TRAPPC8: variants seen among roughly 807,000 people sequenced by gnomAD.
The protein encoded by TRAPPC8 is trafficking protein particle complex subunit 8, also known as general sporulation gene 1 homolog.
Under a neutral mutation model 174.3 loss-of-function variants are expected in TRAPPC8, and 54 were observed. That is an observed-to-expected ratio of 0.31 (90% confidence interval 0.25 to 0.39). The LOEUF is 0.39. Among genes scored for constraint, TRAPPC8 ranks in the 10% least tolerant of loss-of-function variants. The pLI is 1.00. For synonymous variants in TRAPPC8, 630 were observed against 579.9 expected, an observed-to-expected ratio of 1.09 and a Z score of -1.24; for missense variants, 1,531 against 1,699.1, an observed-to-expected ratio of 0.90 and a Z score of 1.74.
intron 16 of TRAPPC8, among the ~76,000 whole-genome samples, chr18:31,868,994 C>A (rs1738321897): frequency 6.6e-6 from 1 of 150,918 alleles, no homozygotes; most frequent in Admixed American, 6.6e-5. Flanking sequence ...TTTCCCAGTT[C>A]CAAAATCCTT....
chr18:31,860,392 GA>G (rs1470823372), intron 19 of TRAPPC8, among the ~76,000 whole-genome samples: 1 of 151,848 alleles, frequency 6.6e-6, no homozygotes, highest in Non-Finnish European at 1.5e-5. Flanking sequence ...GATTTAGGGG[GA>G]AAGATTTCTA....
At chr18:31,843,407 T>TA (rs1475743310) in intron 26 of TRAPPC8, among the ~76,000 whole-genome samples, 1 of 152,180 alleles carries the variant, frequency 6.6e-6, no homozygotes, top group African/African-American at 2.4e-5. Flanking sequence ...CTAAAGGAAA[T>TA]AGATTTTGTT....
intron 27 of TRAPPC8, among the ~76,000 whole-genome samples, chr18:31,833,925 C>A (rs1342090256): frequency 6.8e-6 from 1 of 147,372 alleles, no homozygotes; most frequent in African/African-American, 2.5e-5. Flanking sequence ...TGGCATGAAC[C>A]CAGGAGGTGG....
rs2034611779 is a variant in TRAPPC8 at position 31,866,888 on chromosome 18, T to C, written c.2551A>G (p.Thr851Ala). Residue 851 changes from threonine to alanine, a missense_variant, in exon 18 of 29, where the codon ACA becomes GCA. By Grantham distance (58) the Thr-to-Ala change is moderately conservative (BLOSUM62 0). Coordinates refer to ENST00000283351, the MANE Select transcript of TRAPPC8 (RefSeq NM_014939.5). ...GGAAGAGCACCAATGCCATCTACTG[T>C]CATAGAGCCCTGAATAGTGCCAAGA... ...YNLGTIQGSM[T>A]VDGIGALPGC... 4.3e-6 allele frequency: 7 copies of C among 1,613,604 alleles called. No homozygotes were observed. In the South Asian group the frequency reaches 6.6e-5, roughly 15 times the overall value.
intron 2 of TRAPPC8, among the ~76,000 whole-genome samples, chr18:31,927,932 A>G (rs539056510): frequency 5.9e-5 from 9 of 152,220 alleles, no homozygotes; most frequent in Non-Finnish European, 1.3e-4. Flanking sequence ...AAGCAGGCAG[A>G]TCACTTGAGG....
chr18:31,940,742 C>A (rs1042031519), intron 1 of TRAPPC8, among the ~76,000 whole-genome samples: 1 of 152,000 alleles, frequency 6.6e-6, no homozygotes, highest in Non-Finnish European at 1.5e-5. Context: ...CGTGATCCAC[C>A]CGCCTCGGCC....
At chr18:31,900,720 A>T (rs117365135) in intron 10 of TRAPPC8, among the ~76,000 whole-genome samples, 563 of 152,340 alleles carry the variant, frequency 3.7e-3, no homozygotes, top group South Asian at 9.5e-3. Flanking sequence ...ATATAATCTC[A>T]ACATTACATA....
chr18:31,919,232 A>G (rs1174553309), intron 2 of TRAPPC8, among the ~76,000 whole-genome samples: 1 of 152,100 alleles, frequency 6.6e-6, no homozygotes, highest in East Asian at 1.9e-4. Context: ...TTTCACACCT[A>G]TAATCCTAAC....
intron 12 of TRAPPC8, among the ~76,000 whole-genome samples, chr18:31,886,743 G>A (rs1381931707): frequency 6.6e-6 from 1 of 152,334 alleles, no homozygotes; most frequent in African/African-American, 2.4e-5. Context: ...AGTACTTTGG[G>A]AGGCTGAGGC....
chr18:31,830,447 C>G lies in TRAPPC8; in HGVS notation c.*308G>C. Reference sequence around the variant, plus strand: ...TCTCCTAATATTCGTATACCATTGACAAGTTGTAACAGCAGACTTAGACTT... The same window carrying G: ...TCTCCTAATATTCGTATACCATTGAGAAGTTGTAACAGCAGACTTAGACTT... On this transcript the variant is annotated 3_prime_UTR_variant, in exon 29 of 29. Coordinates refer to ENST00000283351, the MANE Select transcript of TRAPPC8 (RefSeq NM_014939.5). 1 of 274,290 alleles carries G rather than the reference C, an allele frequency of 3.6e-6. No homozygotes were observed. The highest frequency in any genetic ancestry group is 6.9e-6 in the Non-Finnish European group (1 of 145,178). 17.0% of individuals were successfully genotyped at this position (274,290 alleles called of 1,614,324 possible). A position where few individuals can be genotyped will look rare whatever the true frequency, so the allele number is the denominator to read the frequency against.
intron 26 of TRAPPC8, among the ~76,000 whole-genome samples, chr18:31,843,473 G>C (rs1046969320): frequency 6.6e-6 from 1 of 151,498 alleles, no homozygotes; most frequent in Non-Finnish European, 1.5e-5. Flanking sequence ...TTCTTTATAA[G>C]GCAGAACAAA....
chr18:31,932,997 CAAAA>C (rs35234467), intron 1 of TRAPPC8, among the ~76,000 whole-genome samples: 20 of 42,682 alleles, frequency 4.7e-4, no homozygotes, highest in African/African-American at 1.0e-3. Flanking sequence ...GACTCCGTCT[CAAAA>C]AAAAAAAAAA....
intron 17 of TRAPPC8, 130 bp downstream of exon 17, chr18:31,867,272 G>T: frequency 1.3e-6 from 1 of 756,562 alleles, no homozygotes; most frequent in Non-Finnish European, 2.2e-6. Context: ...CAATTCCTAT[G>T]TCCTAATCTT....
intron 19 of TRAPPC8, among the ~76,000 whole-genome samples, chr18:31,861,935 A>AGGGG (rs1478982235): frequency 4.8e-4 from 22 of 46,188 alleles, no homozygotes; most frequent in South Asian, 1.7e-3. Flanking sequence ...GAAAAAAAAA[A>AGGGG]AGGGGGGGGG....
intron 1 of TRAPPC8, among the ~76,000 whole-genome samples, chr18:31,941,574 CTT>C (rs1568164985): frequency 6.6e-6 from 1 of 152,134 alleles, no homozygotes; most frequent in African/African-American, 2.4e-5. Flanking sequence ...AGTTTCCAAA[CTT>C]TGTTTTTTTG....
At chr18:31,939,406 A>T (rs980206130) in intron 1 of TRAPPC8, 1 of 152,134 alleles carries the variant, frequency 6.6e-6, no homozygotes, top group Admixed American at 6.6e-5. Context: ...TAAAATCGCA[A>T]ATCCCTTTCC....
chr18:31,932,806 A>C (rs992832435), intron 1 of TRAPPC8, among the ~76,000 whole-genome samples: 4 of 151,682 alleles, frequency 2.6e-5, no homozygotes, highest in Non-Finnish European at 5.9e-5. Flanking sequence ...ACATAGTGAA[A>C]CCTCGTCTCT....
chr18:31,916,558 A>G (rs112373980), intron 3 of TRAPPC8, 112 bp from the exon 4 acceptor site: 1 of 1,106,844 alleles, frequency 9.0e-7, no homozygotes, highest in East Asian at 2.8e-5. Flanking sequence ...TCTGAGACAA[A>G]GTCTCACTCT....
chr18:31,842,184 T>C (rs2033139977), intron 26 of TRAPPC8, among the ~76,000 whole-genome samples: 1 of 152,212 alleles, frequency 6.6e-6, no homozygotes, highest in African/African-American at 2.4e-5. Flanking sequence ...TATTGGTGAT[T>C]TTACCTTTGT....
Sources: allele counts gnomAD v4.1 joint callset (sites outside exome capture counted in the v4.1 genomes callset), GRCh38; gene constraint gnomAD v4.1.1; transcripts MANE v1.5; gene names NCBI Gene and HGNC (gene_info 2026-07-23, HGNC 2026-07-21).